Variants in XYLB observed in about 807,000 individuals in gnomAD.
XYLB encodes xylulose kinase.
Under a neutral mutation model 78.7 loss-of-function variants are expected in XYLB, and 62 were observed. That is an observed-to-expected ratio of 0.79 (90% CI 0.64 to 0.97). The LOEUF (loss-of-function observed/expected upper bound fraction) is 0.97, where lower values mean the gene tolerates loss of function less well. Ranked by LOEUF, XYLB falls within the 50% of genes least tolerant of loss-of-function variation. The pLI, the probability that XYLB is intolerant of heterozygous loss-of-function variation, is 0.00. For synonymous variants in XYLB, 245 were observed against 247.4 expected (o/e 0.99, Z 0.09); for missense variants, 687 against 676.8 (o/e 1.02, Z -0.17).
At chr3:38,424,753 T>C (rs1017925957), downstream of XYLB, among the ~76,000 whole-genome samples, 1 of 152,224 alleles carries the variant, frequency 6.6e-6, no homozygotes, top group African/African-American at 2.4e-5. Context: ...AATGTTCAGT[T>C]ACAATTTCAT....
At position 38,370,081 on chromosome 3, in the gene XYLB, A is replaced by G; in HGVS notation, c.672A>G (p.Ile224Met). Residue 224 changes from isoleucine to methionine, a missense_variant, in exon 9 of 19, where the codon ATA (isoleucine) becomes ATG (methionine). Coordinates refer to ENST00000207870, the MANE Select transcript of XYLB (RefSeq NM_005108.4). ...SDGSGMNLLQ[I>M]QDKVWSQACL... ...GTTCTGGAATGAATTTGTTGCAGAT[A>G]CAGGATAAAGTCTGGTCCCAGGCTT... is the stretch of plus-strand genomic sequence containing the variant. The G allele has an allele frequency of 1.2e-6, 2 of 1,614,178 alleles. No individual in the cohort carries two copies. Among genetic ancestry groups the G allele is most frequent in the Non-Finnish European group, 1.7e-6 (2 of 1,180,028 alleles).
At chr3:38,433,250 T>G in the XYLB span, among the ~76,000 whole-genome samples, 2 of 152,236 alleles carry the variant, frequency 1.3e-5, no homozygotes, top group African/African-American at 4.8e-5. Context: ...GTGTCTAGGC[T>G]GCACACAACA....
intron 9 of XYLB, among the ~76,000 whole-genome samples, chr3:38,372,206 C>T (rs971829239): frequency 6.6e-6 from 1 of 152,142 alleles, no homozygotes. Context: ...ACATTGCTCT[C>T]TGCACGTTCA....
At chr3:38,390,165 A>G (rs1206420326) in intron 15 of XYLB, among the ~76,000 whole-genome samples, 2 of 152,056 alleles carry the variant, frequency 1.3e-5, no homozygotes, top group Admixed American at 1.3e-4. Flanking sequence ...AAGTGGAACT[A>G]TATGTCTTTT....
chr3:38,442,023 G>T, the XYLB span, among the ~76,000 whole-genome samples: 6 of 152,138 alleles, frequency 3.9e-5, no homozygotes, highest in Admixed American at 1.3e-4. Context: ...CTGGGTCTCC[G>T]TGATTAGAGT....
intron 4 of XYLB, among the ~76,000 whole-genome samples, chr3:38,364,580 C>T (rs865938281): frequency 6.7e-6 from 1 of 149,012 alleles, no homozygotes; most frequent in African/African-American, 2.5e-5. Context: ...CCGGGACTTG[C>T]CTGGCGCCCC....
rs1008660610 is a variant in XYLB, at chr3:38,370,346, A to G, written c.765+172A>G. 1.0e-5 allele frequency: 6 copies of G among 597,066 alleles called. No individual in the cohort carries two copies. The African/African-American group carries it at 1.1e-4, about 11-fold the overall frequency. The allele number at this position is 597,066 out of a possible 1,614,324, so 37.0% of individuals were successfully genotyped here. ...TTCAGTTTAGCCTAAGATGTAAGTC[A>G]GTGTCTGGATCAGTGCCTTGCACAC... On this transcript the variant is annotated intron_variant, in intron 9 of 18. Coordinates refer to ENST00000207870, the MANE Select transcript of XYLB (RefSeq NM_005108.4).
the XYLB span, among the ~76,000 whole-genome samples, chr3:38,438,774 C>T: frequency 3.3e-5 from 5 of 152,316 alleles, no homozygotes; most frequent in South Asian, 1.0e-3. Flanking sequence ...CTTTTATTCC[C>T]TTATTTGTCC....
At chr3:38,445,681 G>C in the XYLB span, among the ~76,000 whole-genome samples, 1 of 152,176 alleles carries the variant, frequency 6.6e-6, no homozygotes, top group Admixed American at 6.5e-5. Flanking sequence ...AGATGTACAG[G>C]AAAAGTGGAA....
At chr3:38,371,539 G>A (rs1706564434) in intron 9 of XYLB, among the ~76,000 whole-genome samples, 3 of 152,142 alleles carry the variant, frequency 2.0e-5, no homozygotes, top group Admixed American at 1.3e-4. Flanking sequence ...CTTCCAAAGT[G>A]CTGGGATTAC....
chr3:38,398,975 T>C (rs1206121077), intron 17 of XYLB, among the ~76,000 whole-genome samples: 1 of 151,710 alleles, frequency 6.6e-6, no homozygotes, highest in African/African-American at 2.4e-5. Flanking sequence ...GAGGTTGCAG[T>C]GAGCTGTTGC....
chr3:38,433,744 C>G, the XYLB span, among the ~76,000 whole-genome samples: 12 of 152,162 alleles, frequency 7.9e-5, no homozygotes, highest in African/African-American at 2.9e-4. Context: ...TTGGTCAAAG[C>G]CATTCAAAAA....
chr3:38,360,231 C>G, intron 2 of XYLB, 108 bp from the exon 3 acceptor site: 1 of 1,055,568 alleles, frequency 9.5e-7, no homozygotes, highest in East Asian at 2.4e-5. Context: ...GGGGAAGGTT[C>G]TCCTTCATCT....
chr3:38,394,835 C>T (rs1707802054), intron 15 of XYLB, among the ~76,000 whole-genome samples: 1 of 152,158 alleles, frequency 6.6e-6, no homozygotes, highest in Non-Finnish European at 1.5e-5. Flanking sequence ...GGCTGGCTCA[C>T]TCATGTGGCT....
At chr3:38,418,425 A>G (rs1237238461), downstream of XYLB, among the ~76,000 whole-genome samples, 2 of 152,180 alleles carry the variant, frequency 1.3e-5, no homozygotes, top group Non-Finnish European at 2.9e-5. Context: ...CATCAACAAA[A>G]CTAAATATGA....
chr3:38,425,859 C>T (rs1046742838), downstream of XYLB, among the ~76,000 whole-genome samples: 4 of 152,126 alleles, frequency 2.6e-5, no homozygotes. Flanking sequence ...AACTTGATCT[C>T]CCTAATCATC....
At chr3:38,417,794 C>T (rs1371441557), downstream of XYLB, among the ~76,000 whole-genome samples, 4 of 150,378 alleles carry the variant, frequency 2.7e-5, no homozygotes, top group Non-Finnish European at 4.4e-5. Flanking sequence ...GCAGGAGAAT[C>T]GCTTGAACCC....
the XYLB span, among the ~76,000 whole-genome samples, chr3:38,438,381 C>A: frequency 6.6e-6 from 1 of 152,166 alleles, no homozygotes; most frequent in South Asian, 2.1e-4. Context: ...GGAAAAACAT[C>A]CCATGCTCTT....
At chr3:38,354,070 G>A (rs1449053609) in intron 2 of XYLB, among the ~76,000 whole-genome samples, 1 of 151,732 alleles carries the variant, frequency 6.6e-6, no homozygotes, top group Non-Finnish European at 1.5e-5. Flanking sequence ...TAATATGTTT[G>A]TTTGTTTGTT....
Sources: gnomAD v4.1 joint callset for allele counts (sites outside exome capture counted in the v4.1 genomes callset) on GRCh38, gnomAD v4.1.1 for gene constraint, MANE v1.5 for transcripts, NCBI Gene and HGNC (gene_info 2026-07-23, HGNC 2026-07-21) for gene names.